RTEL1: variants seen among roughly 807,000 people sequenced by gnomAD.
The protein encoded by RTEL1 is regulator of telomere length.
In RTEL1, 86 loss-of-function variants were observed where a neutral mutation model predicts 162.2. The observed-to-expected ratio is 0.53, with a 90% CI of 0.45 to 0.63. RTEL1 has a LOEUF of 0.63. Ranked by LOEUF, RTEL1 falls within the 30% of genes least tolerant of loss-of-function variation. The pLI, the probability that RTEL1 is intolerant of heterozygous loss-of-function variation, is 0.00. For missense variants in RTEL1, 1,941 were observed against 1,750.2 expected (o/e 1.11, Z -1.95); for synonymous variants, 958 against 717.9 (o/e 1.33, Z -5.35).
At position 63,694,359 on chromosome 20, in the gene RTEL1, A is replaced by C. The variant is rs370761526; in HGVS notation, c.2993-13A>C. ...CTCTCGACCAGCTTTGTGGCTCTAC[A>C]TCTCTTCATCAGGAAGAACGGCGCC... On this transcript the variant is annotated splice_polypyrimidine_tract_variant and intron_variant, in intron 30 of 34. Coordinates refer to ENST00000360203, the MANE Select transcript of RTEL1 (RefSeq NM_001283009.2). The C allele has an allele frequency of 6.3e-7, 1 of 1,580,118 alleles. No individual in the cohort carries two copies.
intron 27 of RTEL1, 47 bp from the exon 28 acceptor site, chr20:63,691,695 G>A (rs777043421): frequency 7.4e-5 from 111 of 1,505,552 alleles, no homozygotes; most frequent in Non-Finnish European, 9.3e-5. Context: ...GGACCCCAGA[G>A]TGTGTGGTTG....
Position 63,668,279 on chromosome 20 carries a change from C to T in RTEL1, c.699+726C>T, listed in dbSNP as rs1048069508. Among the ~76,000 whole-genome samples, 7 of 152,188 alleles carry T rather than the reference C, an allele frequency of 4.6e-5. No individual in the cohort carries two copies. Among genetic ancestry groups the T allele is most frequent in the East Asian group, 1.9e-4 (1 of 5,202 alleles). On this transcript the variant is annotated intron_variant, in intron 8 of 34. Coordinates refer to ENST00000360203, the MANE Select transcript of RTEL1 (RefSeq NM_001283009.2). This position sits in a 1 kb window ranked among gnomAD's most constrained non-coding sequence, Gnocchi z 4.3. Reference sequence around the variant, plus strand: ...GTCAATGGTTTGTGTGTTCACGTGACGATGGCGTGGTGACGTTTCCAGATC... The same window carrying T: ...GTCAATGGTTTGTGTGTTCACGTGATGATGGCGTGGTGACGTTTCCAGATC...
intron 16 of RTEL1, chr20:63,686,460 C>G (rs2090595128): frequency 6.5e-6 from 1 of 153,994 alleles, no homozygotes; most frequent in African/African-American, 2.4e-5. Context: ...GGCCCCACCC[C>G]CACTGCGTGG....
rs6010997 is a variant in RTEL1, at chr20:63,662,646, G to A, written c.477+19G>A. 8,369 of 1,613,142 alleles carry A rather than the reference G, an allele frequency of 5.2e-3. 345 individuals are homozygous for A. The African/African-American group carries it at 0.094, about 18-fold the overall frequency. ...TCTACAGGTAGGCTCCTGGGCTCCC[G>A]CTCCGGCTCAGTGTCCGACAGGCGA... On this transcript the variant is annotated intron_variant, in intron 5 of 34. Coordinates refer to ENST00000360203, the MANE Select transcript of RTEL1 (RefSeq NM_001283009.2).
At chr20:63,663,003 C>A in intron 6 of RTEL1, 114 bp downstream of exon 6, 1 of 998,976 alleles carries the variant, frequency 1.0e-6, no homozygotes, top group Non-Finnish European at 1.6e-6. Context: ...GCCAGTGCGG[C>A]CATGTACCTG....
chr20:63,690,225 A>T lies in RTEL1; in HGVS notation c.2265+15A>T. The T allele has an allele frequency of 6.2e-7, 1 of 1,611,384 alleles. No homozygotes were observed. Among genetic ancestry groups the T allele is most frequent in the Non-Finnish European group, 8.5e-7 (1 of 1,178,962 alleles). Reference sequence around the variant, plus strand: ...CCGAGCGAACTGTGAGTTCCTGCCCAGGGAGGGGATGAGGGTGTTGTCCCC... The same window carrying T: ...CCGAGCGAACTGTGAGTTCCTGCCCTGGGAGGGGATGAGGGTGTTGTCCCC... On this transcript the variant is annotated intron_variant, in intron 25 of 34. Transcript: ENST00000360203.
Position 63,678,160 on chromosome 20 carries a change from T to C in RTEL1, c.935T>C (p.Leu312Pro), listed in dbSNP as rs777410454. The C allele has an allele frequency of 7.4e-6, 12 of 1,614,044 alleles. No individual in the cohort carries two copies. Among genetic ancestry groups the C allele is most frequent in the Non-Finnish European group, 1.0e-5 (12 of 1,179,990 alleles). Residue 312 changes from leucine (L) to proline (P), a missense_variant, in exon 11 of 35, where the codon CTG becomes CCG. By Grantham distance (98) the Leu-to-Pro change is moderately conservative. Transcript: ENST00000360203. ...DSPSPGLNME[L>P]EDIAKLKMIL... ...TCTTGCCCAGGGCTGAACATGGAGC[T>C]GGAAGACATTGCAAAGCTGAAGAGT... is the stretch of plus-strand genomic sequence containing the variant.
At chr20:63,669,339 GGGGGAGGTCTTTGCAACTTT>G (rs1344101026) in intron 8 of RTEL1, among the ~76,000 whole-genome samples, 1 of 152,188 alleles carries the variant, frequency 6.6e-6, no homozygotes, top group Non-Finnish European at 1.5e-5. Context: ...AAAGGAACAT[GGGGGAGGTCTTTGCAACTTT>G]GGGGTAGGCA....
At chr20:63,662,009 T>G in intron 4 of RTEL1, 66 bp downstream of exon 4, 5 of 1,199,102 alleles carry the variant, frequency 4.2e-6, no homozygotes, top group Non-Finnish European at 6.2e-6. Context: ...TGGTGCTGAG[T>G]CCACAGCCCC....
In RTEL1 at chr20:63,694,423, A is replaced by T; in HGVS notation, c.3044A>T (p.Gln1015Leu). The change falls in exon 31 of 35, where the codon CAG (glutamine) becomes CTG (leucine). Residue 1015 changes from glutamine to leucine, a missense_variant. Physicochemically the swap from Gln to Leu is moderately radical, Grantham distance 113. Coordinates refer to ENST00000360203, the MANE Select transcript of RTEL1 (RefSeq NM_001283009.2). ...ACCGTGTCCACGGCTGCAGCCCAGC[A>T]GCTGGACCCCCAAGAGCACCTGAAC... ...KLTVSTAAAQQLDPQEHLNQG... is the reference protein window; with the variant it reads ...KLTVSTAAAQLLDPQEHLNQG... 6.2e-7 allele frequency: 1 copy of T among 1,612,282 alleles called. No individual in the cohort carries two copies. Among genetic ancestry groups the T allele is most frequent in the South Asian group, 1.1e-5 (1 of 91,058 alleles).
intron 13 of RTEL1, among the ~76,000 whole-genome samples, chr20:63,680,379 A>C (rs1167688734): frequency 1.3e-5 from 2 of 151,934 alleles, no homozygotes; most frequent in Non-Finnish European, 2.9e-5. Flanking sequence ...GGTGCTGGGG[A>C]GGGTGGCTTT....
chr20:63,696,057 C>T lies in RTEL1; in HGVS notation c.*199C>T. On this transcript the variant is annotated 3_prime_UTR_variant, in exon 35 of 35. Coordinates refer to ENST00000360203, the MANE Select transcript of RTEL1 (RefSeq NM_001283009.2). ...GGGCCTGCCTCTGAGAAGCCCTGAGCTACCTTGGGGTCTGGGGTGGGTTTC... is the reference window on the plus strand; with the variant it reads ...GGGCCTGCCTCTGAGAAGCCCTGAGTTACCTTGGGGTCTGGGGTGGGTTTC... 5 of 598,044 alleles carry T rather than the reference C, an allele frequency of 8.4e-6. No homozygotes were observed. Among genetic ancestry groups the T allele is most frequent in the East Asian group, 5.7e-5 (2 of 35,120 alleles). The allele number at this position is 598,044 out of a possible 1,614,324, so 37.0% of individuals were successfully genotyped here.
intron 14 of RTEL1, among the ~76,000 whole-genome samples, chr20:63,683,642 G>T (rs1263291157): frequency 6.6e-6 from 1 of 152,216 alleles, no homozygotes. Context: ...CGGCTTCTTG[G>T]TGTTCCCAGC....
At chr20:63,683,333 C>T (rs574160003) in intron 14 of RTEL1, among the ~76,000 whole-genome samples, 4 of 152,304 alleles carry the variant, frequency 2.6e-5, no homozygotes, top group African/African-American at 9.6e-5. Flanking sequence ...CAGCCACCAG[C>T]GTGGGGGTGA....
rs780809958 is a variant in RTEL1 at position 63,694,088 on chromosome 20, C to T, written c.2993-284C>T. 5.9e-5 allele frequency among the ~76,000 whole-genome samples: 9 copies of T among 152,228 alleles called. No individual in the cohort carries two copies. In the South Asian group the frequency reaches 1.7e-3, roughly 28 times the overall value. On this transcript the variant is annotated intron_variant, in intron 30 of 34. Coordinates refer to ENST00000360203, the MANE Select transcript of RTEL1 (RefSeq NM_001283009.2). ...TAGCCTGTTGGGACGACCCCAGATC[C>T]CTTCTGGGCTTGGTACTCACTGGGA... is the stretch of plus-strand genomic sequence containing the variant.
intron 12 of RTEL1, among the ~76,000 whole-genome samples, chr20:63,678,651 A>ACAGCACACACACTCCCACAG (rs2090413354): frequency 7.7e-6 from 1 of 129,496 alleles, no homozygotes. Context: ...ACTCCCACGG[A>ACAGCACACACACTCCCACAG]ACAGCACACA....
intron 29 of RTEL1, 42 bp from the exon 30 acceptor site, chr20:63,693,101 A>G: frequency 6.2e-7 from 1 of 1,611,812 alleles, no homozygotes; most frequent in Non-Finnish European, 8.5e-7. Context: ...TGTTCTCTAG[A>G]GAAAAAGGGG....
At position 63,661,687 on chromosome 20, in the gene RTEL1, G is replaced by A; in HGVS notation, c.302-163G>A. ...AGGGTTGGGCTTTTTTGCTGAATTA[G>A]GGCACGGCAGATGCCCACTTCACCC... On this transcript the variant is annotated intron_variant, in intron 3 of 34. Coordinates refer to ENST00000360203, the MANE Select transcript of RTEL1 (RefSeq NM_001283009.2). This position sits in a 1 kb window ranked among gnomAD's most constrained non-coding sequence, Gnocchi z 5.1. The A allele has an allele frequency of 1.2e-6, 1 of 865,406 alleles. No homozygotes were observed. Among genetic ancestry groups the A allele is most frequent in the Non-Finnish European group, 1.8e-6 (1 of 554,594 alleles). The allele number at this position is 865,406 out of a possible 1,614,324, so 53.6% of individuals were successfully genotyped here.
Position 63,661,747 on chromosome 20 carries a change from C to T in RTEL1, c.302-103C>T. On this transcript the variant is annotated intron_variant, in intron 3 of 34. Coordinates refer to ENST00000360203, the MANE Select transcript of RTEL1 (RefSeq NM_001283009.2). This position sits in a 1 kb window ranked among gnomAD's most constrained non-coding sequence, Gnocchi z 5.1. ...AAACCAGTATCTGGGGTGTCAGATT[C>T]TTGGCTGTCTGCAGGGCCGAGTTAG... is the stretch of plus-strand genomic sequence containing the variant. 1 of 1,083,388 alleles carries T rather than the reference C, an allele frequency of 9.2e-7. No individual in the cohort carries two copies. The highest frequency in any genetic ancestry group is 1.8e-5 in the Admixed American group (1 of 54,056). 67.1% of individuals were successfully genotyped at this position (1,083,388 alleles called of 1,614,324 possible). A position where few individuals can be genotyped will look rare whatever the true frequency, so the allele number is the denominator to read the frequency against.
Sources: gnomAD v4.1 joint callset for allele counts (sites outside exome capture counted in the v4.1 genomes callset) on GRCh38, gnomAD v4.1.1 for gene constraint, Gnocchi (gnomAD v3.1) non-coding constraint, MANE v1.5 for transcripts, NCBI Gene and HGNC (gene_info 2026-07-23, HGNC 2026-07-21) for gene names.